Variants in GPER1 observed in about 807,000 individuals in gnomAD.
GPER1 encodes G protein-coupled estrogen receptor 1, also known as G protein-coupled receptor 30.
A neutral mutation model predicts 0.6 loss-of-function variants in GPER1; 2 were observed. The ratio of observed to expected loss-of-function variants is 3.41; its 90% CI spans 1.39 to 10.72. GPER1 has a LOEUF of 10.72. Ranked by LOEUF, GPER1 falls within the 30% of genes most tolerant of loss-of-function variation. The pLI is 0.04. For synonymous variants in GPER1, 263 were observed against 247.6 expected, an observed-to-expected ratio of 1.06 and a Z score of -0.58; for missense variants, 441 against 535.2, an observed-to-expected ratio of 0.82 and a Z score of 1.74.
Position 1,092,375 on chromosome 7 carries a change from G to C in GPER1, c.647G>C (p.Trp216Ser). The stretch of plus-strand genomic sequence containing the variant: ...TTCGCGGATGTCCGGGAGGTGCAGT[G>C]GCTCGAGGTCACGCTGGGCTTCATC... ...FCFADVREVQ[W>S]LEVTLGFIVP... is the part of the protein sequence containing the mutation. Residue 216 changes from tryptophan to serine, a missense_variant, in exon 2 of 2, where the codon TGG becomes TCG. Coordinates refer to ENST00000397088, the MANE Select transcript of GPER1 (RefSeq NM_001098201.3). 1 of 1,585,292 alleles carries C rather than the reference G, an allele frequency of 6.3e-7. No homozygotes were observed. Among genetic ancestry groups the C allele is most frequent in the Non-Finnish European group, 8.6e-7 (1 of 1,168,494 alleles).
In GPER1 at chr7:1,092,569, G is replaced by A. The variant is rs142494393; in HGVS notation, c.841G>A (p.Val281Met). Residue 281 changes from valine to methionine, a missense_variant, in exon 2 of 2, where the codon GTG (valine) becomes ATG (methionine). Val to Met is a conservative substitution (Grantham distance 21). Coordinates refer to ENST00000397088, the MANE Select transcript of GPER1 (RefSeq NM_001098201.3). ...GCTGCCGGAGAACGTCTTCATCAGCGTGCACCTCCTGCAGCGGACGCAGCC... is the reference window on the plus strand; with the variant it reads ...GCTGCCGGAGAACGTCTTCATCAGCATGCACCTCCTGCAGCGGACGCAGCC... ...CWLPENVFIS[V>M]HLLQRTQPGA... 6 of 1,610,684 alleles carry A rather than the reference G, an allele frequency of 3.7e-6. No individual in the cohort carries two copies. Among genetic ancestry groups the A allele is most frequent in the Non-Finnish European group, 3.4e-6 (4 of 1,180,006 alleles).
chr7:1,091,314 C>T (rs1787953326), intron 1 of GPER1, 93 bp from the exon 2 acceptor site: 1 of 170,398 alleles, frequency 5.9e-6, no homozygotes, highest in Non-Finnish European at 1.3e-5. Flanking sequence ...CTGACACACC[C>T]AGACTCTACA....
intron 1 of GPER1, among the ~76,000 whole-genome samples, chr7:1,091,123 A>C (rs1412248791): frequency 1.3e-5 from 2 of 152,162 alleles, no homozygotes; most frequent in African/African-American, 4.8e-5. Context: ...TGTGGCTATA[A>C]AGGGAAAAAC....
Position 1,092,250 on chromosome 7 carries a change from C to A in GPER1, c.522C>A (p.Ala174=). The A allele has an allele frequency of 6.2e-7, 1 of 1,612,430 alleles. No individual in the cohort carries two copies. Among genetic ancestry groups the A allele is most frequent in the South Asian group, 1.1e-5 (1 of 91,078 alleles). ...GCCTGTTCCGCACCAAGCACCACGC[C>A]CGGCTGAGCTGTGGCCTCATCTGGA... ...RCSLFRTKHH[A]RLSCGLIWMA... is the part of the protein sequence containing the mutation. The change falls in exon 2 of 2, where the codon GCC becomes GCA. Residue 174 remains alanine, a synonymous_variant. Coordinates refer to ENST00000397088, the MANE Select transcript of GPER1 (RefSeq NM_001098201.3).
chr7:1,090,995 C>T (rs980165330), intron 1 of GPER1, among the ~76,000 whole-genome samples: 2 of 152,204 alleles, frequency 1.3e-5, no homozygotes, highest in African/African-American at 4.8e-5. Flanking sequence ...GAAACACTGG[C>T]TTTCCCTTCC....
chr7:1,088,042 C>T (rs1439520163), upstream of GPER1: 1 of 152,314 alleles, frequency 6.6e-6, no homozygotes, highest in Non-Finnish European at 1.5e-5. The surrounding 1 kb of genome is among the most constrained non-coding windows in gnomAD (Gnocchi z 4.5). Flanking sequence ...CGCCCAGAGC[C>T]TGGCCAGAGA....
Position 1,092,191 on chromosome 7 carries a change from C to G in GPER1, c.463C>G (p.Arg155Gly), listed in dbSNP as rs762550100. 1 of 1,613,264 alleles carries G rather than the reference C, an allele frequency of 6.2e-7. No homozygotes were observed. The highest frequency in any genetic ancestry group is 8.5e-7 in the Non-Finnish European group (1 of 1,180,016). Residue 155 changes from arginine (R) to glycine (G), a missense_variant, in exon 2 of 2, where the codon CGC (arginine) becomes GGC (glycine). Coordinates refer to ENST00000397088, the MANE Select transcript of GPER1 (RefSeq NM_001098201.3). ...CTTCCTCACCTGGATGAGCTTCGAC[C>G]GCTACATCGCCCTGGCCAGGGCCAT... ...VFFLTWMSFDRYIALARAMRC... is the reference protein window; with the variant it reads ...VFFLTWMSFDGYIALARAMRC...
At position 1,093,213 on chromosome 7, in the gene GPER1, C is replaced by T. The variant is rs1788205018; in HGVS notation, c.*357C>T. 2.0e-6 allele frequency: 1 copy of T among 503,556 alleles called. No individual in the cohort carries two copies. Among genetic ancestry groups the T allele is most frequent in the Non-Finnish European group, 4.0e-6 (1 of 248,820 alleles). 31.2% of individuals were successfully genotyped at this position (503,556 alleles called of 1,614,324 possible). ...TTCTGACACCGTCGACCAGGAAAGC[C>T]ACACGGAGAGGCCACTGTGGGTGAA... On this transcript the variant is annotated 3_prime_UTR_variant, in exon 2 of 2. Transcript: ENST00000397088.
Position 1,091,814 on chromosome 7 carries a change from C to G in GPER1, c.86C>G (p.Pro29Arg). ...CCTGCGGCCCCCAACACCACCTCCCCCGAGCTCAACCTGTCCCACCCGCTC... is the reference window on the plus strand; with the variant it reads ...CCTGCGGCCCCCAACACCACCTCCCGCGAGCTCAACCTGTCCCACCCGCTC... Reference protein sequence around the residue: ...AQPAAPNTTSPELNLSHPLLG... With the variant: ...AQPAAPNTTSRELNLSHPLLG... The change falls in exon 2 of 2, where the codon CCC (proline) becomes CGC (arginine). Residue 29 changes from proline (P) to arginine (R), a missense_variant. By Grantham distance (103) the Pro-to-Arg change is moderately radical (BLOSUM62 -2). Transcript: ENST00000397088. 2 of 1,597,190 alleles carry G rather than the reference C, an allele frequency of 1.3e-6. No individual in the cohort carries two copies. The highest frequency in any genetic ancestry group is 4.5e-5 in the East Asian group (2 of 44,562).
rs150646955 is a variant in GPER1 at position 1,092,387 on chromosome 7, C to T, written c.659C>T (p.Thr220Met). The change falls in exon 2 of 2, where the codon ACG (threonine) becomes ATG (methionine). Residue 220 changes from threonine (T) to methionine (M), a missense_variant. Coordinates refer to ENST00000397088, the MANE Select transcript of GPER1 (RefSeq NM_001098201.3). ...DVREVQWLEVTLGFIVPFAII... is the reference protein window; with the variant it reads ...DVREVQWLEVMLGFIVPFAII... The stretch of plus-strand genomic sequence containing the variant: ...CGGGAGGTGCAGTGGCTCGAGGTCA[C>T]GCTGGGCTTCATCGTGCCCTTCGCC... 1.7e-4 allele frequency: 268 copies of T among 1,593,624 alleles called. No individual in the cohort carries two copies. The highest frequency in any genetic ancestry group is 2.0e-4 in the Non-Finnish European group (238 of 1,172,760).
At chr7:1,091,383 CA>C (rs1001830540) in intron 1 of GPER1, 23 bp from the exon 2 acceptor site, 7 of 235,926 alleles carry the variant, frequency 3.0e-5, no homozygotes, top group Non-Finnish European at 5.8e-5. Flanking sequence ...GATGAGACTT[CA>C]TCCTCTCCTG....
At chr7:1,087,549 G>A (rs986182135), upstream of GPER1, among the ~76,000 whole-genome samples, 1 of 152,194 alleles carries the variant, frequency 6.6e-6, no homozygotes, top group Non-Finnish European at 1.5e-5. Context: ...CGCCACACGA[G>A]GTCAGGTGTG....
At position 1,092,433 on chromosome 7, in the gene GPER1, C is replaced by T; in HGVS notation, c.705C>T (p.Ser235=). ...TCGCCATCATCGGCCTGTGCTACTC[C>T]CTCATTGTCCGGGTGCTGGTCAGGG... ...VPFAIIGLCY[S]LIVRVLVRAH... is the part of the protein sequence containing the mutation. The change falls in exon 2 of 2, where the codon TCC becomes TCT. Residue 235 remains serine, a synonymous_variant. Coordinates refer to ENST00000397088, the MANE Select transcript of GPER1 (RefSeq NM_001098201.3). 1 of 1,608,648 alleles carries T rather than the reference C, an allele frequency of 6.2e-7. No homozygotes were observed. Among genetic ancestry groups the T allele is most frequent in the East Asian group, 2.2e-5 (1 of 44,818 alleles).
rs1322138058 is a variant in GPER1 at position 1,088,398 on chromosome 7, T to C, written c.-323+77T>C. 1 of 152,196 alleles carries C rather than the reference T, an allele frequency of 6.6e-6. No individual in the cohort carries two copies. The allele number at this position is 152,196 out of a possible 1,614,324, so 9.4% of individuals were successfully genotyped here. On this transcript the variant is annotated intron_variant, in intron 1 of 1. Transcript: ENST00000397088. The surrounding 1 kb of genome is among the most constrained non-coding windows in gnomAD (Gnocchi z 4.5). ...GTGGGTGGTGCCACCCAGGCCGCTG[T>C]CCTGTTATGGGAACAGCTGAACACA...
upstream of GPER1, among the ~76,000 whole-genome samples, chr7:1,087,882 C>T (rs1787541325): frequency 6.6e-6 from 1 of 152,144 alleles, no homozygotes; most frequent in African/African-American, 2.4e-5. Context: ...TGCCTTCAAA[C>T]TTAAAGAAAG....
At position 1,088,680 on chromosome 7, in the gene GPER1, C is replaced by G. The variant is rs982188176; in HGVS notation, c.-323+359C>G. ...GGTGCCCCAGTCACTCTCACCAACCCTGAAGCCCTGGGAGGGCCACACGCC... is the reference window on the plus strand; with the variant it reads ...GGTGCCCCAGTCACTCTCACCAACCGTGAAGCCCTGGGAGGGCCACACGCC... On this transcript the variant is annotated intron_variant, in intron 1 of 1. Coordinates refer to ENST00000397088, the MANE Select transcript of GPER1 (RefSeq NM_001098201.3). This position sits in a 1 kb window ranked among gnomAD's most constrained non-coding sequence, Gnocchi z 4.5. 3.9e-5 allele frequency among the ~76,000 whole-genome samples: 6 copies of G among 152,236 alleles called. No individual in the cohort carries two copies. Among genetic ancestry groups the G allele is most frequent in the African/African-American group, 1.2e-4 (5 of 41,448 alleles).
At chr7:1,090,405 C>T (rs893112878) in intron 1 of GPER1, among the ~76,000 whole-genome samples, 2 of 152,170 alleles carry the variant, frequency 1.3e-5, no homozygotes, top group Admixed American at 1.3e-4. Context: ...TCCCCACTGG[C>T]GGCAGAGCCG....
chr7:1,088,122 G>A lies in GPER1; in HGVS notation c.-522G>A, dbSNP rs1583769176. The stretch of plus-strand genomic sequence containing the variant: ...GCCAAGGGGCAGACTCACTGGCTCA[G>A]AGGGAGGACGCACCCGCCAGCCAGC... On this transcript the variant is annotated 5_prime_UTR_variant, in exon 1 of 2. Coordinates refer to ENST00000397088, the MANE Select transcript of GPER1 (RefSeq NM_001098201.3). The surrounding 1 kb of genome is among the most constrained non-coding windows in gnomAD (Gnocchi z 4.5). The A allele has an allele frequency of 6.6e-6, 1 of 152,320 alleles. No homozygotes were observed. The highest frequency in any genetic ancestry group is 1.5e-5 in the Non-Finnish European group (1 of 68,102). 9.4% of individuals were successfully genotyped at this position (152,320 alleles called of 1,614,324 possible).
Position 1,091,202 on chromosome 7 carries a change from AAAG to A in GPER1, c.-322-201_-322-199del, listed in dbSNP as rs1787942311. Among the ~76,000 whole-genome samples, 3 of 152,166 alleles carry A rather than the reference AAAG, an allele frequency of 2.0e-5. No homozygotes were observed. In the South Asian group the frequency reaches 6.2e-4, roughly 32 times the overall value. On this transcript the variant is annotated intron_variant, in intron 1 of 1. Transcript: ENST00000397088. Reference sequence around the variant, plus strand: ...GCTGAGCAGCCGTGGGACCTGCAGGAAAGAAGGCCATGTACTTCCCACAGGCGA... The same window carrying A: ...GCTGAGCAGCCGTGGGACCTGCAGGAAAGGCCATGTACTTCCCACAGGCGA...
Sources: allele counts gnomAD v4.1 joint callset (sites outside exome capture counted in the v4.1 genomes callset), GRCh38; gene constraint gnomAD v4.1.1; non-coding constraint Gnocchi (gnomAD v3.1); transcripts MANE v1.5; gene names NCBI Gene and HGNC (gene_info 2026-07-23, HGNC 2026-07-21).